The following EVI5 variants were observed in gnomAD, a reference collection of about 807,000 sequenced individuals.
EVI5 encodes ecotropic viral integration site 5, also known as ecotropic viral integration site 5 protein homolog.
A neutral mutation model predicts 112.0 loss-of-function variants in EVI5; 73 were observed. The ratio of observed to expected loss-of-function variants is 0.65; its 90% confidence interval spans 0.54 to 0.79. The LOEUF is 0.79. Among genes scored for constraint, EVI5 ranks in the 30% least tolerant of loss-of-function variants. The pLI, the probability that EVI5 is intolerant of heterozygous loss-of-function variation, is 0.00. For synonymous variants in EVI5, 305 were observed against 319.9 expected, an observed-to-expected ratio of 0.95 and a Z score of 0.50; for missense variants, 900 against 968.8, an observed-to-expected ratio of 0.93 and a Z score of 0.94.
At chr1:92,636,520 C>T (rs538521605) in intron 13 of EVI5, among the ~76,000 whole-genome samples, 184 bp from the exon 14 acceptor site, 390 of 152,288 alleles carry the variant, frequency 2.6e-3, no homozygotes, top group Non-Finnish European at 4.5e-3. Context: ...AAAAAGCCCA[C>T]CTTTGATATC....
chr1:92,713,834 C>T (rs1170286073), intron 2 of EVI5, among the ~76,000 whole-genome samples: 1 of 152,072 alleles, frequency 6.6e-6, no homozygotes. Flanking sequence ...CCAAAATATG[C>T]TAAAAAGCAA....
At chr1:92,706,947 C>A (rs1380555326) in intron 2 of EVI5, among the ~76,000 whole-genome samples, 1 of 151,846 alleles carries the variant, frequency 6.6e-6, no homozygotes, top group African/African-American at 2.4e-5. Flanking sequence ...TTTGGGAGGC[C>A]GAGGCGGGCG....
At chr1:92,582,046 A>C (rs1314678373) in intron 18 of EVI5, among the ~76,000 whole-genome samples, 1 of 152,214 alleles carries the variant, frequency 6.6e-6, no homozygotes, top group Non-Finnish European at 1.5e-5. Flanking sequence ...TTGTGTGAAC[A>C]CCGTAGGGTG....
chr1:92,592,721 A>C (rs1458757479), intron 18 of EVI5, among the ~76,000 whole-genome samples: 3 of 152,250 alleles, frequency 2.0e-5, no homozygotes, highest in Non-Finnish European at 4.4e-5. Flanking sequence ...GATGCAATAC[A>C]AAATGATAAA....
chr1:92,547,334 G>A (rs1044655988), intron 19 of EVI5, among the ~76,000 whole-genome samples: 6 of 152,206 alleles, frequency 3.9e-5, no homozygotes, highest in African/African-American at 1.4e-4. Flanking sequence ...GAATCTCTGG[G>A]ACACATTTAA....
chr1:92,566,803 C>CTTTT (rs57042163), intron 18 of EVI5, among the ~76,000 whole-genome samples: 1,075 of 97,818 alleles, frequency 0.011, 46 homozygotes, highest in Non-Finnish European at 0.017. Context: ...TGTGTGCCTG[C>CTTTT]TTTTTTTTTT....
In EVI5 at chr1:92,664,918, A is replaced by C. The variant is rs573352850; in HGVS notation, c.1212+1021T>G. 2.4e-4 allele frequency among the ~76,000 whole-genome samples: 36 copies of C among 152,364 alleles called. 1 individual carries two copies. Among genetic ancestry groups the C allele is most frequent in the Admixed American group, 2.0e-3 (31 of 15,302 alleles). On this transcript the variant is annotated intron_variant, in intron 11 of 19. Transcript: ENST00000684568. ...ACTCTTATCTCTAGTTAAAGAAAGAAAAAAGTGGCTGGGCACGGTGGCTCA... is the reference window on the plus strand; with the variant it reads ...ACTCTTATCTCTAGTTAAAGAAAGACAAAAGTGGCTGGGCACGGTGGCTCA...
chr1:92,619,485 T>A (rs983933090), intron 16 of EVI5, among the ~76,000 whole-genome samples: 4 of 151,916 alleles, frequency 2.6e-5, no homozygotes, highest in African/African-American at 9.7e-5. Context: ...TCTGCCCCTC[T>A]AGAGAACCCT....
Position 92,784,865 on chromosome 1 carries a change from A to T in EVI5, c.-111T>A. ...GAAACGTTGAGTAGACTTCGCCGTA[A>T]ACATTAACTTCCCATCCAGCCGGCA... On this transcript the variant is annotated 5_prime_UTR_variant, in exon 1 of 20. Transcript: ENST00000684568. The T allele has an allele frequency of 1.0e-6, 1 of 985,490 alleles. No individual in the cohort carries two copies. Among genetic ancestry groups the T allele is most frequent in the Non-Finnish European group, 1.2e-6 (1 of 830,126 alleles). 61.0% of individuals were successfully genotyped at this position (985,490 alleles called of 1,614,324 possible).
intron 9 of EVI5, among the ~76,000 whole-genome samples, chr1:92,691,173 A>T (rs1669445575): frequency 6.6e-6 from 1 of 152,206 alleles, no homozygotes; most frequent in African/African-American, 2.4e-5. Flanking sequence ...TTTTTGGCAC[A>T]ACTGAGGAAA....
chr1:92,644,396 G>C (rs576152596), intron 13 of EVI5, among the ~76,000 whole-genome samples: 1 of 152,168 alleles, frequency 6.6e-6, no homozygotes, highest in African/African-American at 2.4e-5. Context: ...CCTGACATTG[G>C]TTGTTTCTTC....
intron 2 of EVI5, among the ~76,000 whole-genome samples, chr1:92,717,083 C>T (rs1054105646): frequency 6.6e-6 from 1 of 151,992 alleles, no homozygotes; most frequent in Non-Finnish European, 1.5e-5. Flanking sequence ...GTAGAGAAGA[C>T]CTTAAATGAC....
intron 1 of EVI5, among the ~76,000 whole-genome samples, chr1:92,748,072 G>C (rs554942267): frequency 1.3e-5 from 2 of 152,044 alleles, no homozygotes; most frequent in Admixed American, 6.6e-5. Flanking sequence ...CTTTTTGAAG[G>C]ACACAATCCA....
At position 92,562,528 on chromosome 1, in the gene EVI5, T is replaced by TA. The variant is rs906755179; in HGVS notation, c.2166+1113dup. On this transcript the variant is annotated intron_variant, in intron 19 of 19. Coordinates refer to ENST00000684568, the MANE Select transcript of EVI5 (RefSeq NM_001350197.2). ...CTGGCCGACAGAGCGAGACTCCGTC[T>TA]AAAAAAAAAAATTATAATAAATACA... 2.0e-3 allele frequency among the ~76,000 whole-genome samples: 302 copies of TA among 147,712 alleles called. 1 individual carries two copies. The highest frequency in any genetic ancestry group is 7.1e-3 in the South Asian group (33 of 4,652).
chr1:92,579,437 A>C (rs1217353158), intron 18 of EVI5, among the ~76,000 whole-genome samples: 2 of 152,224 alleles, frequency 1.3e-5, no homozygotes, highest in Non-Finnish European at 2.9e-5. Context: ...ACCAAGGTAC[A>C]AAAAATAAAA....
intron 19 of EVI5, among the ~76,000 whole-genome samples, chr1:92,516,362 A>G (rs895639456): frequency 1.3e-5 from 2 of 152,226 alleles, no homozygotes; most frequent in Non-Finnish European, 2.9e-5. Context: ...TCATCATCAG[A>G]TGTAATTATA....
At chr1:92,574,358 T>A (rs1670726227) in intron 18 of EVI5, among the ~76,000 whole-genome samples, 1 of 152,160 alleles carries the variant, frequency 6.6e-6, no homozygotes, top group Admixed American at 6.5e-5. Flanking sequence ...TTCAGAGGTG[T>A]CTTCACCTGT....
At chr1:92,784,456 T>C (rs1329166455) in intron 1 of EVI5, 10 of 983,850 alleles carry the variant, frequency 1.0e-5, no homozygotes, top group Non-Finnish European at 1.2e-5. Context: ...CTCTCGCCCC[T>C]CAGGTCCCCA....
intron 18 of EVI5, among the ~76,000 whole-genome samples, chr1:92,604,186 CTAAATAAA>C (rs112250561): frequency 6.7e-6 from 1 of 148,980 alleles, no homozygotes; most frequent in African/African-American, 2.5e-5. Context: ...CTCATTGCTA[CTAAATAAA>C]TAAATAAATA....
Sources: allele counts gnomAD v4.1 joint callset (sites outside exome capture counted in the v4.1 genomes callset), GRCh38; gene constraint gnomAD v4.1.1; transcripts MANE v1.5; gene names NCBI Gene and HGNC (gene_info 2026-07-23, HGNC 2026-07-21).